NUP153: variants seen among roughly 807,000 people sequenced by gnomAD.
NUP153 encodes nucleoporin 153.
In NUP153, 27 loss-of-function variants were observed where a neutral mutation model predicts 134.6. That is an observed-to-expected ratio of 0.20 (90% confidence interval 0.15 to 0.28). NUP153 has a LOEUF of 0.28. Among genes scored for constraint, NUP153 ranks in the 10% least tolerant of loss-of-function variants. NUP153 has a pLI of 1.00. For missense variants in NUP153, 1,821 were observed against 1,731.3 expected (o/e 1.05, Z -0.92); for synonymous variants, 640 against 623.5 (o/e 1.03, Z -0.40).
intron 1 of NUP153, among the ~76,000 whole-genome samples, chr6:17,699,665 G>A (rs772094251): frequency 5.3e-5 from 8 of 151,780 alleles, no homozygotes; most frequent in East Asian, 1.9e-4. Flanking sequence ...GTGAAACCCC[G>A]TGTCTACTAA....
chr6:17,659,542 G>C (rs1355847837), intron 11 of NUP153, among the ~76,000 whole-genome samples: 1 of 152,084 alleles, frequency 6.6e-6, no homozygotes, highest in East Asian at 1.9e-4. Context: ...GTGCAATCTT[G>C]GCTCACTGCA....
chr6:17,675,505 C>T lies in NUP153; in HGVS notation c.583+17G>A. ...ATGTTACTACCCAAATTATGTACTA[C>T]CACATGTCAAGAATACCTTTATCAG... On this transcript the variant is annotated intron_variant, in intron 3 of 21. Transcript: ENST00000262077. The surrounding 1 kb of genome is among the most constrained non-coding windows in gnomAD (Gnocchi z 4.4). The T allele has an allele frequency of 6.2e-7, 1 of 1,612,886 alleles. No individual in the cohort carries two copies.
intron 5 of NUP153, 39 bp from the exon 6 acceptor site, chr6:17,669,585 A>C: frequency 7.5e-7 from 1 of 1,326,902 alleles, no homozygotes; most frequent in Non-Finnish European, 1.1e-6. Context: ...GCAACATAAA[A>C]TCTAAGGCAC....
At position 17,628,777 on chromosome 6, in the gene NUP153, G is replaced by A; in HGVS notation, c.3422C>T (p.Thr1141Ile). ...GGACTTTGAAGAATTCTCATCTTTG[G>A]TTTGCTCTGAATTCCCAAAGGAAAA... ...PVFSFGNSEQTKDENSSKSTF... is the reference protein window; with the variant it reads ...PVFSFGNSEQIKDENSSKSTF... Residue 1141 changes from threonine to isoleucine, a missense_variant, in exon 18 of 22, where the codon ACC becomes ATC. Transcript: ENST00000262077. The surrounding 1 kb of genome is among the most constrained non-coding windows in gnomAD (Gnocchi z 5.4). 1 of 1,614,068 alleles carries A rather than the reference G, an allele frequency of 6.2e-7. No individual in the cohort carries two copies. The highest frequency in any genetic ancestry group is 8.5e-7 in the Non-Finnish European group (1 of 1,179,996).
intron 1 of NUP153, among the ~76,000 whole-genome samples, chr6:17,693,587 T>C (rs1348477382): frequency 6.6e-6 from 1 of 152,198 alleles, no homozygotes; most frequent in African/African-American, 2.4e-5. Context: ...AGACCCTTCT[T>C]AAAGATACTT....
Position 17,660,948 on chromosome 6 carries a change from T to C in NUP153, c.1395+705A>G, listed in dbSNP as rs1258345330. On this transcript the variant is annotated intron_variant, in intron 11 of 21. Coordinates refer to ENST00000262077, the MANE Select transcript of NUP153 (RefSeq NM_005124.4). ...GGTAAATCTTCAAACTGGATAAATA[T>C]ATAAGCAGTGAAATTAAAAAACTTA... 1.2e-4 allele frequency among the ~76,000 whole-genome samples: 18 copies of C among 152,262 alleles called. No homozygotes were observed. In the Middle Eastern group the frequency reaches 0.01, roughly 86 times the overall value.
At chr6:17,624,901 G>GCTT in intron 19 of NUP153, 68 bp from the exon 20 acceptor site, 2 of 1,421,218 alleles carry the variant, frequency 1.4e-6, no homozygotes, top group Non-Finnish European at 1.9e-6. Context: ...AGAAATTTCT[G>GCTT]TAAACCCACA....
At chr6:17,671,055 A>C (rs1767877289) in intron 5 of NUP153, among the ~76,000 whole-genome samples, 1 of 151,770 alleles carries the variant, frequency 6.6e-6, no homozygotes, top group East Asian at 1.9e-4. Context: ...AGGTGATCTA[A>C]GGCCTTCCAA....
At chr6:17,673,169 C>A (rs1768016898) in intron 5 of NUP153, among the ~76,000 whole-genome samples, 1 of 152,094 alleles carries the variant, frequency 6.6e-6, no homozygotes, top group Non-Finnish European at 1.5e-5. Context: ...GAGTTCGAGA[C>A]CAGCCTGGCT....
chr6:17,706,384 C>T lies in NUP153; in HGVS notation c.4G>A (p.Ala2Thr). The T allele has an allele frequency of 1.7e-5, 28 of 1,610,788 alleles. No individual in the cohort carries two copies. The highest frequency in any genetic ancestry group is 2.3e-5 in the Non-Finnish European group (27 of 1,178,858). The change falls in exon 1 of 22, where the codon GCC (alanine) becomes ACC (threonine). Residue 2 changes from alanine to threonine, a missense_variant. Ala to Thr is a moderately conservative substitution (Grantham distance 58). Transcript: ENST00000262077. The surrounding 1 kb of genome is among the most constrained non-coding windows in gnomAD (Gnocchi z 5.9). MASGAGGVGGGG... is the reference protein window; with the variant it reads MTSGAGGVGGGG... ...CCTCCGACTCCTCCGGCTCCCGAGG[C>T]CATGGCGGAGCCTCCGCCGCTTCCC...
At chr6:17,703,691 A>G (rs1486380498) in intron 1 of NUP153, among the ~76,000 whole-genome samples, 1 of 152,010 alleles carries the variant, frequency 6.6e-6, no homozygotes, top group African/African-American at 2.4e-5. Flanking sequence ...TTTTGAATAT[A>G]CCTGAATACT....
At position 17,696,474 on chromosome 6, in the gene NUP153, G is replaced by C. The variant is rs184270245; in HGVS notation, c.112-7856C>G. Among the ~76,000 whole-genome samples, 16 of 152,308 alleles carry C rather than the reference G, an allele frequency of 1.1e-4. No homozygotes were observed. In the East Asian group the frequency reaches 2.3e-3, roughly 22 times the overall value. On this transcript the variant is annotated intron_variant, in intron 1 of 21. Coordinates refer to ENST00000262077, the MANE Select transcript of NUP153 (RefSeq NM_005124.4). ...AAAGTGCTTTAAGATTTAAAAACAA[G>C]GCCAGGCACGGTGGCTCACGCCTGT...
intron 11 of NUP153, among the ~76,000 whole-genome samples, chr6:17,660,556 AC>A (rs1360668752): frequency 1.3e-5 from 2 of 151,558 alleles, no homozygotes; most frequent in African/African-American, 4.8e-5. Flanking sequence ...AATTATATAT[AC>A]ATATACATAC....
rs750172440 is a variant in NUP153, at chr6:17,706,428, G to C, written c.-41C>G. 5 of 1,522,640 alleles carry C rather than the reference G, an allele frequency of 3.3e-6. No individual in the cohort carries two copies. The South Asian group carries it at 5.6e-5, about 17-fold the overall frequency. 94.3% of individuals were successfully genotyped at this position (1,522,640 alleles called of 1,614,324 possible). A position where few individuals can be genotyped will look rare whatever the true frequency, so the allele number is the denominator to read the frequency against. ...GCTTCCCGCTCCGGGGCGGGTAAGG[G>C]GGCGGGAGAGGCAGAGGCGGAGGCC... On this transcript the variant is annotated 5_prime_UTR_variant, in exon 1 of 22. Transcript: ENST00000262077. This position sits in a 1 kb window ranked among gnomAD's most constrained non-coding sequence, Gnocchi z 5.9.
intron 14 of NUP153, among the ~76,000 whole-genome samples, chr6:17,643,189 T>C (rs1288239772): frequency 6.6e-6 from 1 of 152,146 alleles, no homozygotes; most frequent in Non-Finnish European, 1.5e-5. Context: ...AACAAAAATA[T>C]AGGCTGGACG....
At chr6:17,691,814 T>C (rs1268867850) in intron 1 of NUP153, among the ~76,000 whole-genome samples, 3 of 149,174 alleles carry the variant, frequency 2.0e-5, no homozygotes, top group Non-Finnish European at 3.0e-5. Context: ...TAAAGCACTA[T>C]AGCAAGAATT....
At chr6:17,688,353 T>C in intron 2 of NUP153, 43 bp downstream of exon 2, 1 of 1,516,918 alleles carries the variant, frequency 6.6e-7, no homozygotes, top group Non-Finnish European at 9.1e-7. Flanking sequence ...AATTAGGGCA[T>C]GAAAACCTAT....
intron 1 of NUP153, among the ~76,000 whole-genome samples, chr6:17,690,419 G>A (rs993684307): frequency 4.0e-5 from 6 of 151,850 alleles, no homozygotes; most frequent in Non-Finnish European, 4.4e-5. Flanking sequence ...CAGGACCTAG[G>A]GTAAAATTGG....
At chr6:17,693,183 TACACACACACACAC>T (rs67348223) in intron 1 of NUP153, among the ~76,000 whole-genome samples, 3 of 145,820 alleles carry the variant, frequency 2.1e-5, no homozygotes, top group East Asian at 2.1e-4. Flanking sequence ...AGCTTTTTCC[TACACACACACACAC>T]ACACACACAC....
Sources: allele counts gnomAD v4.1 joint callset (sites outside exome capture counted in the v4.1 genomes callset), GRCh38; gene constraint gnomAD v4.1.1; non-coding constraint Gnocchi (gnomAD v3.1); transcripts MANE v1.5; gene names NCBI Gene and HGNC (gene_info 2026-07-23, HGNC 2026-07-21).